ALG14: variants seen among roughly 807,000 people sequenced by gnomAD.
ALG14 encodes ALG14 UDP-N-acetylglucosaminyltransferase subunit.
ALG14 carries 17 observed loss-of-function variants against 22.8 expected under a neutral mutation model. That is an observed-to-expected ratio of 0.75 (90% CI 0.51 to 1.12). The LOEUF (loss-of-function observed/expected upper bound fraction) is 1.12, where lower values mean the gene tolerates loss of function less well. Ranked by LOEUF, ALG14 falls within the 50% of genes most tolerant of loss-of-function variation. The pLI is 0.00. For missense variants in ALG14, 288 were observed against 271.8 expected, an observed-to-expected ratio of 1.06 and a Z score of -0.42; for synonymous variants, 89 against 103.7, an observed-to-expected ratio of 0.86 and a Z score of 0.86.
chr1:95,054,815 T>A (rs1376735257), intron 2 of ALG14, among the ~76,000 whole-genome samples: 1 of 152,210 alleles, frequency 6.6e-6, no homozygotes, highest in Non-Finnish European at 1.5e-5. Context: ...CACAGCTCAT[T>A]TGATGAGAGT....
chr1:94,993,254 T>C (rs1672819140), intron 3 of ALG14, among the ~76,000 whole-genome samples: 1 of 146,696 alleles, frequency 6.8e-6, no homozygotes, highest in South Asian at 2.1e-4. Flanking sequence ...TCTATCTTTT[T>C]ATATAAATAT....
intron 2 of ALG14, among the ~76,000 whole-genome samples, chr1:95,047,033 T>TAACATAACATAACAC: frequency 6.9e-6 from 1 of 145,328 alleles, no homozygotes; most frequent in East Asian, 2.0e-4. Context: ...TAACATAACA[T>TAACATAACATAACAC]AACGACATGC....
intron 2 of ALG14, chr1:95,061,722 T>C (rs1180562302): frequency 1.3e-5 from 2 of 152,234 alleles, no homozygotes; most frequent in African/African-American, 2.4e-5. Flanking sequence ...AGTGAAAACA[T>C]GACTGTCAGC....
intron 1 of ALG14, chr1:95,066,958 C>T (rs1675391766): frequency 6.6e-6 from 1 of 152,206 alleles, no homozygotes; most frequent in Non-Finnish European, 1.5e-5. Context: ...CAACATCTTC[C>T]ACTACAATTA....
chr1:95,016,744 C>T (rs1374569144), intron 3 of ALG14, among the ~76,000 whole-genome samples: 1 of 152,134 alleles, frequency 6.6e-6, no homozygotes, highest in African/African-American at 2.4e-5. Context: ...AGCCACCCCT[C>T]AGCACTGCTA....
rs991821505 is a variant in ALG14, at chr1:95,033,030, T to A, written c.289-5770A>T. ...AGACAGCTACAATTCAGGCCTGCTATGACCTTTGGCCAGGAATTACCTAGG... is the reference window on the plus strand; with the variant it reads ...AGACAGCTACAATTCAGGCCTGCTAAGACCTTTGGCCAGGAATTACCTAGG... On this transcript the variant is annotated intron_variant, in intron 2 of 3. Transcript: ENST00000370205. Among the ~76,000 whole-genome samples the A allele has an allele frequency of 2.6e-5, 4 of 152,220 alleles. No individual in the cohort carries two copies. In the East Asian group the frequency reaches 7.7e-4, roughly 29 times the overall value.
chr1:95,045,019 T>C (rs967078459), intron 2 of ALG14, among the ~76,000 whole-genome samples: 2 of 152,194 alleles, frequency 1.3e-5, no homozygotes, highest in Non-Finnish European at 2.9e-5. Context: ...AAGATTTCAC[T>C]ATTGGGCCCA....
Position 94,980,617 on chromosome 1 carries a change from G to A in ALG14, c.*2459C>T, listed in dbSNP as rs1210669458. The A allele has an allele frequency of 6.6e-6, 1 of 152,190 alleles. No homozygotes were observed. The highest frequency in any genetic ancestry group is 1.5e-5 in the Non-Finnish European group (1 of 68,044). The allele number at this position is 152,190 out of a possible 1,614,324, so 9.4% of individuals were successfully genotyped here. On this transcript the variant is annotated 3_prime_UTR_variant, in exon 4 of 4. Coordinates refer to ENST00000370205, the MANE Select transcript of ALG14 (RefSeq NM_144988.4). ...CACAGAAATGCACAGCAGGGAAATTGTGCCACCAGCCCCCTCTGCTAATGG... is the reference window on the plus strand; with the variant it reads ...CACAGAAATGCACAGCAGGGAAATTATGCCACCAGCCCCCTCTGCTAATGG...
chr1:95,015,751 A>G (rs569419084), intron 3 of ALG14, among the ~76,000 whole-genome samples: 1 of 152,344 alleles, frequency 6.6e-6, no homozygotes, highest in African/African-American at 2.4e-5. Flanking sequence ...TGGAAAACAA[A>G]GAAGACAGAA....
intron 1 of ALG14, among the ~76,000 whole-genome samples, chr1:95,066,263 G>A (rs1030570487): frequency 5.3e-5 from 8 of 151,804 alleles, no homozygotes; most frequent in African/African-American, 1.9e-4. Context: ...CACGCTTGTT[G>A]CCCAGGCTGG....
chr1:95,042,376 C>T (rs188092359), intron 2 of ALG14, among the ~76,000 whole-genome samples: 11 of 152,184 alleles, frequency 7.2e-5, no homozygotes, highest in African/African-American at 1.7e-4. Context: ...TCGTCAGACT[C>T]TTCGCGTTAT....
chr1:95,061,400 G>C (rs1675142386), intron 2 of ALG14, among the ~76,000 whole-genome samples: 1 of 152,086 alleles, frequency 6.6e-6, no homozygotes, highest in African/African-American at 2.4e-5. Flanking sequence ...GTTTGACGTG[G>C]ATTTTTTGAG....
intron 2 of ALG14, among the ~76,000 whole-genome samples, chr1:95,055,324 T>C (rs1029037289): frequency 1.3e-5 from 2 of 152,154 alleles, no homozygotes; most frequent in Non-Finnish European, 2.9e-5. Flanking sequence ...TTAATTAGAA[T>C]CTAGTAAGTA....
At position 95,013,341 on chromosome 1, in the gene ALG14, A is replaced by AT. The variant is rs1200009159; in HGVS notation, c.420+13787dup. On this transcript the variant is annotated intron_variant, in intron 3 of 3. Coordinates refer to ENST00000370205, the MANE Select transcript of ALG14 (RefSeq NM_144988.4). ...TTCCTGCTCTTGTTTTGATTTATTT[A>AT]TTTTTTTTTTTTGAGACAAGAGTCT... Among the ~76,000 whole-genome samples the AT allele has an allele frequency of 2.7e-3, 392 of 147,164 alleles. 3 individuals are homozygous for AT. Among genetic ancestry groups the AT allele is most frequent in the South Asian group, 4.8e-3 (22 of 4,614 alleles).
chr1:94,983,349 A>C (rs757077212), intron 3 of ALG14, 43 bp from the exon 4 acceptor site: 11 of 1,532,892 alleles, frequency 7.2e-6, no homozygotes, highest in Middle Eastern at 1.7e-4. Context: ...ACAGAATAAT[A>C]ATCTAAGGGA....
intron 2 of ALG14, among the ~76,000 whole-genome samples, chr1:95,047,236 G>A (rs377113414): frequency 6.6e-6 from 1 of 152,144 alleles, no homozygotes; most frequent in Admixed American, 6.5e-5. Context: ...ACATGTAACA[G>A]AAGGGGAAAA....
intron 3 of ALG14, among the ~76,000 whole-genome samples, chr1:95,013,946 C>A (rs555813908): frequency 1.3e-5 from 2 of 150,556 alleles, no homozygotes; most frequent in African/African-American, 2.4e-5. Flanking sequence ...AAAAAAAAAC[C>A]CTTCCAGCAT....
chr1:94,986,816 T>G lies in ALG14; in HGVS notation c.421-3510A>C, dbSNP rs1023701137. Among the ~76,000 whole-genome samples the G allele has an allele frequency of 1.1e-4, 16 of 149,086 alleles. No homozygotes were observed. In the South Asian group the frequency reaches 2.4e-3, roughly 22 times the overall value. The stretch of plus-strand genomic sequence containing the variant: ...CCATCCCACATCCATCACCTTTTCC[T>G]CGGGAACGAACCACTGTATCCTTCG... On this transcript the variant is annotated intron_variant, in intron 3 of 3. Coordinates refer to ENST00000370205, the MANE Select transcript of ALG14 (RefSeq NM_144988.4).
intron 3 of ALG14, among the ~76,000 whole-genome samples, chr1:95,023,664 A>G (rs72964575): frequency 0.012 from 1,901 of 152,232 alleles, 42 homozygotes; most frequent in African/African-American, 0.043. Context: ...TCTGAAATTT[A>G]TTTTTTACTT....
Sources: allele counts gnomAD v4.1 joint callset (sites outside exome capture counted in the v4.1 genomes callset), GRCh38; gene constraint gnomAD v4.1.1; transcripts MANE v1.5; gene names NCBI Gene and HGNC (gene_info 2026-07-23, HGNC 2026-07-21).